The following MOXD1 variants were observed in gnomAD, a reference collection of about 807,000 sequenced individuals.
The protein encoded by MOXD1 is monooxygenase DBH like 1, also known as DBH-like monooxygenase protein 1.
A neutral mutation model predicts 66.6 loss-of-function variants in MOXD1; 62 were observed. That is an observed-to-expected ratio of 0.93 (90% CI 0.76 to 1.15). The LOEUF is 1.15. MOXD1 is among the 50% of genes most tolerant of loss of function. The pLI is 0.00. For missense variants in MOXD1, 847 were observed against 754.6 expected, an observed-to-expected ratio of 1.12 and a Z score of -1.44; for synonymous variants, 303 against 281.9, an observed-to-expected ratio of 1.07 and a Z score of -0.75.
intron 5 of MOXD1, 105 bp from the exon 6 acceptor site, chr6:132,328,220 C>T: frequency 1.7e-6 from 2 of 1,210,966 alleles, no homozygotes; most frequent in South Asian, 1.4e-5. Flanking sequence ...CCTCTGGAAC[C>T]CCATTCATCT....
chr6:132,368,689 G>T (rs1005576446), intron 4 of MOXD1, among the ~76,000 whole-genome samples: 3 of 151,910 alleles, frequency 2.0e-5, no homozygotes, highest in Non-Finnish European at 4.4e-5. Context: ...AATTTTAAAT[G>T]TAATAAATAT....
chr6:132,304,889 A>T (rs1214506121), intron 10 of MOXD1, among the ~76,000 whole-genome samples: 1 of 152,252 alleles, frequency 6.6e-6, no homozygotes, highest in African/African-American at 2.4e-5. Context: ...GTTCTTACAC[A>T]TCACTGGTAA....
chr6:132,353,724 G>A (rs1010778374), intron 4 of MOXD1, among the ~76,000 whole-genome samples: 1 of 152,092 alleles, frequency 6.6e-6, no homozygotes, highest in African/African-American at 2.4e-5. Flanking sequence ...GCTAGGCCAA[G>A]GAAATTTTCC....
rs149961768 is a variant in MOXD1, at chr6:132,368,450, A to T, written c.663+4158T>A. ...CTGCAATGTGATATGCTGTCATCTGATAATACCCACATTTTCAAGCCACAA... is the reference window on the plus strand; with the variant it reads ...CTGCAATGTGATATGCTGTCATCTGTTAATACCCACATTTTCAAGCCACAA... On this transcript the variant is annotated intron_variant, in intron 4 of 11. Coordinates refer to ENST00000367963, the MANE Select transcript of MOXD1 (RefSeq NM_015529.4). 2.3e-3 allele frequency among the ~76,000 whole-genome samples: 343 copies of T among 152,174 alleles called. 1 individual carries two copies. The highest frequency in any genetic ancestry group is 7.4e-3 in the African/African-American group (307 of 41,556).
chr6:132,375,308 T>C (rs1170138867), intron 1 of MOXD1, among the ~76,000 whole-genome samples: 3 of 152,166 alleles, frequency 2.0e-5, no homozygotes, highest in East Asian at 1.9e-4. Context: ...TAAAATAAAA[T>C]GCAATGGGAA....
At chr6:132,341,607 T>C (rs1775565068) in intron 4 of MOXD1, among the ~76,000 whole-genome samples, 1 of 152,200 alleles carries the variant, frequency 6.6e-6, no homozygotes, top group Non-Finnish European at 1.5e-5. Flanking sequence ...GGGCTCACTG[T>C]CATTAGCTGC....
intron 4 of MOXD1, among the ~76,000 whole-genome samples, chr6:132,354,718 A>G (rs1429432196): frequency 6.6e-6 from 1 of 152,174 alleles, no homozygotes; most frequent in Admixed American, 6.5e-5. Context: ...TAGAACTCCC[A>G]AGAGTATATA....
intron 9 of MOXD1, among the ~76,000 whole-genome samples, chr6:132,317,996 G>T (rs549626082): frequency 2.0e-4 from 31 of 151,782 alleles, no homozygotes; most frequent in Non-Finnish European, 4.1e-4. Context: ...AACATTATTT[G>T]TTCTTCAGAT....
intron 4 of MOXD1, among the ~76,000 whole-genome samples, chr6:132,367,286 T>C (rs925887687): frequency 6.6e-6 from 1 of 152,102 alleles, no homozygotes; most frequent in African/African-American, 2.4e-5. Flanking sequence ...AGATTAGCAA[T>C]TGAGTGTTGC....
chr6:132,385,412 G>C (rs1776605106), intron 1 of MOXD1, among the ~76,000 whole-genome samples: 1 of 151,164 alleles, frequency 6.6e-6, no homozygotes, highest in African/African-American at 2.4e-5. Flanking sequence ...TATTTTTTCA[G>C]ATTTCAAAAC....
Position 132,396,997 on chromosome 6 carries a change from G to T in MOXD1, c.264+4166C>A, listed in dbSNP as rs533410430. ...CTACATTCCCTCTTGAATCTAGTGG[G>T]CTTGTGACCACAGTGAAAGACTAAG... is the stretch of plus-strand genomic sequence containing the variant. On this transcript the variant is annotated intron_variant, in intron 1 of 11. Coordinates refer to ENST00000367963, the MANE Select transcript of MOXD1 (RefSeq NM_015529.4). 3.9e-5 allele frequency among the ~76,000 whole-genome samples: 6 copies of T among 152,278 alleles called. No homozygotes were observed. In the South Asian group the frequency reaches 1.2e-3, roughly 32 times the overall value.
At chr6:132,389,229 C>T (rs1237119186) in intron 1 of MOXD1, among the ~76,000 whole-genome samples, 1 of 151,274 alleles carries the variant, frequency 6.6e-6, no homozygotes, top group Non-Finnish European at 1.5e-5. Flanking sequence ...AGAGAAAATA[C>T]TTACTCATTA....
intron 10 of MOXD1, among the ~76,000 whole-genome samples, chr6:132,303,508 C>G (rs9493278): frequency 1.3e-5 from 2 of 151,768 alleles, no homozygotes; most frequent in Non-Finnish European, 2.9e-5. Flanking sequence ...CTCCAGATTA[C>G]TTATAATACC....
chr6:132,368,152 C>T lies in MOXD1; in HGVS notation c.663+4456G>A, dbSNP rs185301299. Among the ~76,000 whole-genome samples, 5 of 152,162 alleles carry T rather than the reference C, an allele frequency of 3.3e-5. No individual in the cohort carries two copies. The East Asian group carries it at 9.6e-4, about 29-fold the overall frequency. On this transcript the variant is annotated intron_variant, in intron 4 of 11. Coordinates refer to ENST00000367963, the MANE Select transcript of MOXD1 (RefSeq NM_015529.4). ...CGTGTTAAGCCAATTCAATAACCCC[C>T]ATTTCTAGCAAAGTATATCCAACCA...
chr6:132,349,407 A>G (rs1245679063), intron 4 of MOXD1, among the ~76,000 whole-genome samples: 464 of 12,684 alleles, frequency 0.037, 73 homozygotes, highest in African/African-American at 0.16. Flanking sequence ...ATATATATAC[A>G]TATATATATA....
rs113279663 is a variant in MOXD1, at chr6:132,385,501, A to T, written c.265-10724T>A. On this transcript the variant is annotated intron_variant, in intron 1 of 11. Coordinates refer to ENST00000367963, the MANE Select transcript of MOXD1 (RefSeq NM_015529.4). ...TATTATTATTATTATTATTATTATT[A>T]GAGACACAGTTTCACTCCATTACCC... 6.5e-3 allele frequency among the ~76,000 whole-genome samples: 810 copies of T among 125,324 alleles called. 4 individuals carry two copies. Among genetic ancestry groups the T allele is most frequent in the East Asian group, 0.062 (125 of 2,010 alleles). 82.2% of individuals were successfully genotyped at this position (125,324 alleles called of 152,430 possible). A position where few individuals can be genotyped will look rare whatever the true frequency, so the allele number is the denominator to read the frequency against.
intron 4 of MOXD1, among the ~76,000 whole-genome samples, chr6:132,368,200 C>T (rs766039405): frequency 6.9e-4 from 105 of 152,108 alleles, no homozygotes; most frequent in Non-Finnish European, 1.1e-3. Flanking sequence ...ATGGCAATGC[C>T]ATTACTGTTG....
rs1274913412 is a variant in MOXD1, at chr6:132,358,179, C to A, written c.663+14429G>T. ...GGATTTGAAATCAGGTCTATGTGAC[C>A]AGAAAGACAGGAAGGGCCCTTCAAG... On this transcript the variant is annotated intron_variant, in intron 4 of 11. Coordinates refer to ENST00000367963, the MANE Select transcript of MOXD1 (RefSeq NM_015529.4). Among the ~76,000 whole-genome samples, 7 of 152,168 alleles carry A rather than the reference C, an allele frequency of 4.6e-5. No individual in the cohort carries two copies. The East Asian group carries it at 1.2e-3, about 25-fold the overall frequency.
At chr6:132,302,143 A>T (rs1459727979) in intron 10 of MOXD1, among the ~76,000 whole-genome samples, 1 of 152,184 alleles carries the variant, frequency 6.6e-6, no homozygotes. Context: ...GCAATGAACA[A>T]CTAGAAGATT....
Sources: allele counts gnomAD v4.1 joint callset (sites outside exome capture counted in the v4.1 genomes callset), GRCh38; gene constraint gnomAD v4.1.1; transcripts MANE v1.5; gene names NCBI Gene and HGNC (gene_info 2026-07-23, HGNC 2026-07-21).